The following VSNL1 variants were observed in gnomAD, a reference collection of about 807,000 sequenced individuals.
VSNL1 encodes visinin like 1.
In VSNL1, 6 loss-of-function variants were observed where a neutral mutation model predicts 20.4. That is an observed-to-expected ratio of 0.29 (90% CI 0.16 to 0.58). VSNL1 has a LOEUF of 0.58. Ranked by LOEUF, VSNL1 falls within the 20% of genes least tolerant of loss-of-function variation. VSNL1 has a pLI of 0.90. For missense variants in VSNL1, 100 were observed against 234.5 expected (o/e 0.43, Z 3.75); for synonymous variants, 93 against 86.4 (o/e 1.08, Z -0.42).
At chr2:17,610,302 A>G (rs960581448) in intron 2 of VSNL1, among the ~76,000 whole-genome samples, 6 of 152,180 alleles carry the variant, frequency 3.9e-5, no homozygotes, top group Admixed American at 3.9e-4. Flanking sequence ...TCCTGCCCTC[A>G]AAGAGCTCAA....
At chr2:17,605,337 A>ACCAGCCTTC (rs1664919954) in intron 2 of VSNL1, among the ~76,000 whole-genome samples, 1 of 152,120 alleles carries the variant, frequency 6.6e-6, no homozygotes. Context: ...ATCCATGTGA[A>ACCAGCCTTC]CCAGCCTTCC....
intron 1 of VSNL1, among the ~76,000 whole-genome samples, chr2:17,560,671 G>A (rs147956914): frequency 6.6e-5 from 10 of 152,074 alleles, no homozygotes; most frequent in Admixed American, 2.0e-4. Context: ...AAATCTAAGC[G>A]ACATTTGGAT....
At chr2:17,647,808 C>T (rs758603986) in intron 2 of VSNL1, among the ~76,000 whole-genome samples, 13 of 152,126 alleles carry the variant, frequency 8.5e-5, no homozygotes, top group Admixed American at 2.6e-4. Flanking sequence ...TGTGCAGTCT[C>T]GGAACACAGA....
chr2:17,550,634 T>A (rs1237238607), intron 1 of VSNL1, among the ~76,000 whole-genome samples: 1 of 152,170 alleles, frequency 6.6e-6, no homozygotes, highest in Middle Eastern at 3.2e-3. Flanking sequence ...AGCATGCATA[T>A]ACAGACCCAA....
chr2:17,585,393 A>C (rs902291288), intron 1 of VSNL1, among the ~76,000 whole-genome samples: 1 of 151,990 alleles, frequency 6.6e-6, no homozygotes, highest in African/African-American at 2.4e-5. Flanking sequence ...AAAAAAAAAA[A>C]AAACATACAA....
chr2:17,580,088 T>G (rs755328532), intron 1 of VSNL1, among the ~76,000 whole-genome samples: 23 of 152,256 alleles, frequency 1.5e-4, no homozygotes, highest in Admixed American at 2.6e-4. Flanking sequence ...AATGCCAAGG[T>G]TTATGTAAGA....
At chr2:17,559,420 C>A (rs405303) in intron 1 of VSNL1, among the ~76,000 whole-genome samples, 126,314 of 147,602 alleles carry the variant, frequency 0.86, 54,907 homozygotes, top group East Asian at 0.99. Context: ...AAAAAAAAAA[C>A]AACAACAGCT....
At chr2:17,632,362 G>A (rs755709672) in intron 2 of VSNL1, among the ~76,000 whole-genome samples, 4 of 151,208 alleles carry the variant, frequency 2.6e-5, no homozygotes, top group African/African-American at 4.9e-5. Flanking sequence ...GTGCAGTGGC[G>A]CAATCTCAGC....
chr2:17,607,823 GA>G (rs1344855745), intron 2 of VSNL1, among the ~76,000 whole-genome samples: 4 of 152,206 alleles, frequency 2.6e-5, no homozygotes, highest in Non-Finnish European at 4.4e-5. Flanking sequence ...TGAAAGAAAT[GA>G]AACATTTAAA....
intron 2 of VSNL1, among the ~76,000 whole-genome samples, chr2:17,604,668 G>A (rs1002137327): frequency 2.4e-4 from 36 of 152,206 alleles, no homozygotes; most frequent in African/African-American, 8.4e-4. Flanking sequence ...CCCCAATATT[G>A]TAGGTGAAAT....
intron 2 of VSNL1, among the ~76,000 whole-genome samples, chr2:17,629,364 T>C (rs1329292150): frequency 1.3e-5 from 2 of 152,236 alleles, no homozygotes; most frequent in African/African-American, 4.8e-5. Flanking sequence ...GAAGCTTCTA[T>C]GAAGCAACTA....
rs578009616 is a variant in VSNL1 at position 17,543,659 on chromosome 2, G to A, written c.-6+2741G>A. Among the ~76,000 whole-genome samples, 16 of 152,334 alleles carry A rather than the reference G, an allele frequency of 1.1e-4. No homozygotes were observed. The East Asian group carries it at 3.1e-3, about 29-fold the overall frequency. The stretch of plus-strand genomic sequence containing the variant: ...GTTTAACCTGAAGTTGTGCTATAGA[G>A]GAGAGTAGTGCAGCTTTTTCATCCT... On this transcript the variant is annotated intron_variant, in intron 1 of 3. Coordinates refer to ENST00000295156, the MANE Select transcript of VSNL1 (RefSeq NM_003385.5).
At chr2:17,555,515 G>A (rs182009213) in intron 1 of VSNL1, among the ~76,000 whole-genome samples, 1 of 152,086 alleles carries the variant, frequency 6.6e-6, no homozygotes, top group African/African-American at 2.4e-5. Flanking sequence ...ATATCCAGTG[G>A]TAGTCTTCCT....
chr2:17,649,451 C>G lies in VSNL1; in HGVS notation c.204C>G (p.Ala68=). The G allele has an allele frequency of 4.3e-6, 7 of 1,614,218 alleles. No individual in the cohort carries two copies. Among genetic ancestry groups the G allele is most frequent in the Non-Finnish European group, 5.9e-6 (7 of 1,180,044 alleles). Residue 68 remains alanine (A), a synonymous_variant, in exon 3 of 4, where the codon GCC becomes GCG. Coordinates refer to ENST00000295156, the MANE Select transcript of VSNL1 (RefSeq NM_003385.5). The surrounding 1 kb of genome is among the most constrained non-coding windows in gnomAD (Gnocchi z 6.4). ...ACGCCTCCAAGTTTGCCCAGCATGC[C>G]TTCCGAACCTTCGACAAGAATGGGG... ...YGDASKFAQH[A]FRTFDKNGDG... is the part of the protein sequence containing the mutation.
At chr2:17,552,728 T>G (rs1663575042) in intron 1 of VSNL1, among the ~76,000 whole-genome samples, 3 of 152,344 alleles carry the variant, frequency 2.0e-5, no homozygotes, top group African/African-American at 7.2e-5. Context: ...CCTAAGTATT[T>G]TTTTTAATCT....
upstream of VSNL1, chr2:17,540,685 A>G (rs1663261890): frequency 6.5e-6 from 1 of 152,726 alleles, no homozygotes; most frequent in Middle Eastern, 3.4e-3. Flanking sequence ...TAGGTTTTCT[A>G]TGGGATTCCC....
At chr2:17,561,456 A>C (rs1404419154) in intron 1 of VSNL1, among the ~76,000 whole-genome samples, 1 of 152,178 alleles carries the variant, frequency 6.6e-6, no homozygotes, top group South Asian at 2.1e-4. Context: ...ATGAGGCTGA[A>C]GAGTTAGGTA....
chr2:17,623,669 C>CAAAAAAAAAAAAAAAAAAAAAAAAAA, intron 2 of VSNL1, among the ~76,000 whole-genome samples: 1 of 70,350 alleles, frequency 1.4e-5, no homozygotes, highest in Admixed American at 1.7e-4. Context: ...GACTCCATCT[C>CAAAAAAAAAAAAAAAAAAAAAAAAAA]AAAAAAAAAA....
At chr2:17,654,376 A>G (rs1056385932) in intron 3 of VSNL1, among the ~76,000 whole-genome samples, 1 of 152,162 alleles carries the variant, frequency 6.6e-6, no homozygotes, top group South Asian at 2.1e-4. Context: ...GCAGAGTTCA[A>G]TTTTAATGGT....
Sources: allele counts gnomAD v4.1 joint callset (sites outside exome capture counted in the v4.1 genomes callset), GRCh38; gene constraint gnomAD v4.1.1; non-coding constraint Gnocchi (gnomAD v3.1); transcripts MANE v1.5; gene names NCBI Gene and HGNC (gene_info 2026-07-23, HGNC 2026-07-21).